ANO4: variants seen among roughly 807,000 people sequenced by gnomAD.
ANO4 encodes anoctamin-4.
ANO4 carries 69 observed loss-of-function variants against 141.9 expected under a neutral mutation model. The observed-to-expected ratio is 0.49, with a 90% CI of 0.40 to 0.59. The LOEUF (loss-of-function observed/expected upper bound fraction) is 0.59. Ranked by LOEUF, ANO4 falls within the 20% of genes least tolerant of loss-of-function variation. ANO4 has a pLI of 0.00. For synonymous variants in ANO4, 350 were observed against 394.3 expected, an observed-to-expected ratio of 0.89 and a Z score of 1.33; for missense variants, 894 against 1,162.2, an observed-to-expected ratio of 0.77 and a Z score of 3.36.
intron 1 of ANO4, among the ~76,000 whole-genome samples, chr12:100,860,357 A>G (rs2038405344): frequency 6.6e-6 from 1 of 152,174 alleles, no homozygotes; most frequent in Non-Finnish European, 1.5e-5. Flanking sequence ...AATACATGTT[A>G]TTCTAAGGTG....
At chr12:101,032,207 C>G (rs2047001828) in intron 9 of ANO4, among the ~76,000 whole-genome samples, 2 of 152,166 alleles carry the variant, frequency 1.3e-5, no homozygotes, top group Non-Finnish European at 2.9e-5. Context: ...GTAACCAAAA[C>G]AGCATGATAA....
intron 14 of ANO4, among the ~76,000 whole-genome samples, chr12:101,063,745 CTTTTTTTTTTTTTTTTTT>C: frequency 4.4e-4 from 11 of 24,776 alleles, no homozygotes; most frequent in Non-Finnish European, 6.0e-4. Context: ...TCCAGGTTAT[CTTTTTTTTTTTTTTTTTT>C]TTTTTTTTTT....
intron 14 of ANO4, among the ~76,000 whole-genome samples, chr12:101,078,318 A>C (rs913406378): frequency 2.0e-4 from 28 of 142,756 alleles, no homozygotes; most frequent in African/African-American, 7.4e-4. Context: ...AGTGTGAGTG[A>C]GAGAGTGTGT....
intron 1 of ANO4, among the ~76,000 whole-genome samples, chr12:100,798,345 G>A (rs955184918): frequency 2.0e-5 from 3 of 152,062 alleles, no homozygotes; most frequent in South Asian, 2.1e-4. Flanking sequence ...AGTTATGTGC[G>A]ACTCCCACAT....
In ANO4 at chr12:100,800,797, G is replaced by A. The variant is rs900517497; in HGVS notation, c.-141+5770G>A. Among the ~76,000 whole-genome samples the A allele has an allele frequency of 5.3e-5, 8 of 152,274 alleles. No homozygotes were observed. In the South Asian group the frequency reaches 1.7e-3, roughly 32 times the overall value. On this transcript the variant is annotated intron_variant, in intron 1 of 27. Transcript: ENST00000392977. ...CATATCAGGCCCATAACAGTGTACA[G>A]CCCTTGCTTCCTTGTTCTATGTCTG...
intron 22 of ANO4, among the ~76,000 whole-genome samples, chr12:101,105,405 G>T (rs967863584): frequency 1.3e-5 from 2 of 152,196 alleles, no homozygotes; most frequent in African/African-American, 4.8e-5. Context: ...AGGCTATTTT[G>T]TAGACACTTT....
intron 1 of ANO4, among the ~76,000 whole-genome samples, chr12:100,852,792 TC>T (rs1414760017): frequency 6.6e-6 from 1 of 152,176 alleles, no homozygotes; most frequent in Non-Finnish European, 1.5e-5. Context: ...AATATACATG[TC>T]CTAGTCAATA....
At chr12:101,006,960 TAAAAG>T (rs2045897244) in intron 8 of ANO4, among the ~76,000 whole-genome samples, 1 of 152,140 alleles carries the variant, frequency 6.6e-6, no homozygotes, top group Non-Finnish European at 1.5e-5. Flanking sequence ...CATATTTTAT[TAAAAG>T]AAAAAGATGT....
intron 5 of ANO4, among the ~76,000 whole-genome samples, chr12:100,969,872 C>G (rs1042246372): frequency 8.5e-5 from 13 of 152,238 alleles, no homozygotes; most frequent in African/African-American, 2.9e-4. Context: ...CTAATTTAAA[C>G]TAGCTTGGCT....
At chr12:100,824,001 C>A (rs1408267897) in intron 1 of ANO4, among the ~76,000 whole-genome samples, 1 of 151,668 alleles carries the variant, frequency 6.6e-6, no homozygotes, top group Non-Finnish European at 1.5e-5. Flanking sequence ...ATAAAAAGTG[C>A]CATTAAAAGA....
At chr12:100,732,839 C>G (rs528242266) in intron 1 of ANO4, among the ~76,000 whole-genome samples, 2 of 152,066 alleles carry the variant, frequency 1.3e-5, no homozygotes, top group African/African-American at 2.4e-5. Context: ...ACCTCGTGCA[C>G]GAAATGTTGT....
At chr12:100,873,601 GTGTGGCTGCTTCTAGCAGCC>G (rs1371254488) in intron 1 of ANO4, among the ~76,000 whole-genome samples, 1 of 152,188 alleles carries the variant, frequency 6.6e-6, no homozygotes, top group African/African-American at 2.4e-5. Flanking sequence ...TGAAGATGTG[GTGTGGCTGCTTCTAGCAGCC>G]CATATTTATA....
intron 9 of ANO4, among the ~76,000 whole-genome samples, chr12:101,030,153 C>G (rs1420882317): frequency 6.6e-6 from 1 of 152,080 alleles, no homozygotes; most frequent in Non-Finnish European, 1.5e-5. Context: ...ACAGAACTCT[C>G]CACCCCAAAT....
rs150682205 is a variant in ANO4, at chr12:100,869,530, T to C, written c.-140-32116T>C. ...TGCCCAAATGATCGCAATCCAGTTA[T>C]CAGGGTCACATTCCCTTGATATGAG... On this transcript the variant is annotated intron_variant, in intron 1 of 27. Coordinates refer to ENST00000392977, the MANE Select transcript of ANO4 (RefSeq NM_001286615.2). Among the ~76,000 whole-genome samples the C allele has an allele frequency of 3.5e-4, 53 of 152,346 alleles. No homozygotes were observed. The East Asian group carries it at 9.3e-3, about 27-fold the overall frequency.
chr12:100,970,680 T>C (rs986628091), intron 5 of ANO4, among the ~76,000 whole-genome samples: 2,132 of 73,256 alleles, frequency 0.029, 70 homozygotes, highest in Middle Eastern at 0.038. Context: ...CTTCCTTCCT[T>C]CCTTCCTTCC....
chr12:100,726,598 G>T (rs905056670), intron 1 of ANO4, among the ~76,000 whole-genome samples: 7 of 152,158 alleles, frequency 4.6e-5, no homozygotes, highest in African/African-American at 1.4e-4. Flanking sequence ...TAGCTTCGGG[G>T]GAGCCTGGAA....
Position 100,901,678 on chromosome 12 carries a change from C to T in ANO4, c.-108C>T, listed in dbSNP as rs759282849. 30 of 939,078 alleles carry T rather than the reference C, an allele frequency of 3.2e-5. No individual in the cohort carries two copies. Among genetic ancestry groups the T allele is most frequent in the Non-Finnish European group, 4.4e-5 (25 of 564,210 alleles). 58.2% of individuals were successfully genotyped at this position (939,078 alleles called of 1,614,324 possible). Reference sequence around the variant, plus strand: ...TTTATCTATTCATGGGGCTGAAAAGCGTTTGCAAATCCATCAACGGCGAAG... The same window carrying T: ...TTTATCTATTCATGGGGCTGAAAAGTGTTTGCAAATCCATCAACGGCGAAG... On this transcript the variant is annotated 5_prime_UTR_variant, in exon 2 of 28. Transcript: ENST00000392977.
intron 18 of ANO4, among the ~76,000 whole-genome samples, chr12:101,094,832 A>T: frequency 7.1e-6 from 1 of 141,714 alleles, no homozygotes; most frequent in African/African-American, 3.1e-5. Context: ...CAAAAAAATT[A>T]AAAAATTAGC....
At chr12:100,753,792 T>C (rs2032489498) in intron 3 of ANO4, among the ~76,000 whole-genome samples, 1 of 152,232 alleles carries the variant, frequency 6.6e-6, no homozygotes, top group Non-Finnish European at 1.5e-5. Context: ...GTACAGTACA[T>C]GTCAAAAATA....
Sources: gnomAD v4.1 joint callset for allele counts (sites outside exome capture counted in the v4.1 genomes callset) on GRCh38, gnomAD v4.1.1 for gene constraint, MANE v1.5 for transcripts, NCBI Gene and HGNC (gene_info 2026-07-23, HGNC 2026-07-21) for gene names.